Variants in UNC5D observed in about 807,000 individuals in gnomAD.
The protein encoded by UNC5D is netrin receptor UNC5D.
In UNC5D, 39 loss-of-function variants were observed where a neutral mutation model predicts 105.4. That is an observed-to-expected ratio of 0.37 (90% CI 0.29 to 0.48). The LOEUF is 0.48. Ranked by LOEUF, UNC5D falls within the 20% of genes least tolerant of loss-of-function variation. UNC5D has a pLI of 0.98. For missense variants in UNC5D, 991 were observed against 1,202.4 expected (o/e 0.82, Z 2.60); for synonymous variants, 452 against 450.4 (o/e 1.00, Z -0.04).
chr8:35,424,656 T>C (rs1001499796), intron 1 of UNC5D, among the ~76,000 whole-genome samples: 6 of 152,218 alleles, frequency 3.9e-5, no homozygotes. Context: ...TATGAAGCTC[T>C]TCAGGTGATC....
At chr8:35,440,504 G>A (rs1297136096) in intron 1 of UNC5D, among the ~76,000 whole-genome samples, 1 of 151,916 alleles carries the variant, frequency 6.6e-6, no homozygotes, top group Admixed American at 6.6e-5. Context: ...AGATAGTCCA[G>A]TGTCTGCTTC....
intron 1 of UNC5D, among the ~76,000 whole-genome samples, chr8:35,303,984 TA>T (rs558076959): frequency 2.0e-5 from 3 of 152,062 alleles, no homozygotes; most frequent in East Asian, 3.9e-4. Flanking sequence ...TCCTCCATGT[TA>T]AAAAAACAAA....
At chr8:35,505,118 G>C (rs1812222710) in intron 1 of UNC5D, among the ~76,000 whole-genome samples, 1 of 152,184 alleles carries the variant, frequency 6.6e-6, no homozygotes. Flanking sequence ...TCACATGCCT[G>C]TATCAAAATC....
chr8:35,580,714 T>C (rs959828285), intron 3 of UNC5D, among the ~76,000 whole-genome samples: 32 of 152,128 alleles, frequency 2.1e-4, no homozygotes, highest in African/African-American at 7.2e-4. Flanking sequence ...AACAAAACAA[T>C]GTAATGAGCC....
chr8:35,564,874 C>A (rs2130770342), intron 2 of UNC5D, among the ~76,000 whole-genome samples: 1 of 152,278 alleles, frequency 6.6e-6, no homozygotes, highest in East Asian at 1.9e-4. Context: ...TGAGCTACTT[C>A]ATTTAGGAAA....
At chr8:35,321,894 G>A (rs933522886) in intron 1 of UNC5D, among the ~76,000 whole-genome samples, 6 of 152,012 alleles carry the variant, frequency 3.9e-5, no homozygotes, top group African/African-American at 1.2e-4. Flanking sequence ...CAAACCATGT[G>A]GTGCAGATTT....
At chr8:35,614,904 A>G (rs1563593954) in intron 4 of UNC5D, among the ~76,000 whole-genome samples, 1 of 151,986 alleles carries the variant, frequency 6.6e-6, no homozygotes, top group Non-Finnish European at 1.5e-5. Flanking sequence ...GGTCAGAAGC[A>G]TGGACGTTAG....
At chr8:35,317,509 C>G (rs1809396079) in intron 1 of UNC5D, among the ~76,000 whole-genome samples, 1 of 152,094 alleles carries the variant, frequency 6.6e-6, no homozygotes, top group South Asian at 2.1e-4. Flanking sequence ...TCAGGATGTG[C>G]TCAACTAAGG....
intron 1 of UNC5D, among the ~76,000 whole-genome samples, chr8:35,274,414 C>A (rs1346838021): frequency 3.3e-5 from 5 of 152,132 alleles, no homozygotes; most frequent in Non-Finnish European, 7.3e-5. Context: ...ATTGTCTAGC[C>A]AGATTGTATT....
At chr8:35,783,807 T>G (rs1164475025) in intron 16 of UNC5D, among the ~76,000 whole-genome samples, 3 of 152,116 alleles carry the variant, frequency 2.0e-5, no homozygotes, top group Non-Finnish European at 2.9e-5. Context: ...TTGCAATAAT[T>G]TATAAAGACC....
chr8:35,658,831 AT>A (rs1402466844), intron 4 of UNC5D, among the ~76,000 whole-genome samples: 1 of 151,914 alleles, frequency 6.6e-6, no homozygotes, highest in Non-Finnish European at 1.5e-5. Flanking sequence ...ATGGTTTTGT[AT>A]TTTTAGTAGA....
rs567994084 is a variant in UNC5D at position 35,672,235 on chromosome 8, G to A, written c.571-11312G>A. 2.0e-5 allele frequency among the ~76,000 whole-genome samples: 3 copies of A among 152,212 alleles called. No homozygotes were observed. The South Asian group carries it at 6.2e-4, about 32-fold the overall frequency. ...CTCAGCACTTGAAGATATATTACAT[G>A]GTAACAGGAACAAGAAATGAAAACA... On this transcript the variant is annotated intron_variant, in intron 4 of 16. Coordinates refer to ENST00000404895, the MANE Select transcript of UNC5D (RefSeq NM_080872.4).
intron 1 of UNC5D, among the ~76,000 whole-genome samples, chr8:35,475,097 T>A (rs1809993177): frequency 6.6e-6 from 1 of 152,160 alleles, no homozygotes; most frequent in Non-Finnish European, 1.5e-5. Context: ...TACTCAGGGA[T>A]AAGGGAAAGA....
intron 1 of UNC5D, among the ~76,000 whole-genome samples, chr8:35,468,810 G>T (rs1563447997): frequency 6.6e-6 from 1 of 152,188 alleles, no homozygotes; most frequent in Admixed American, 6.5e-5. Context: ...CAAAGAAGGT[G>T]TGATTTCCAC....
intron 1 of UNC5D, among the ~76,000 whole-genome samples, chr8:35,418,707 A>C (rs550075417): frequency 6.6e-6 from 1 of 152,334 alleles, no homozygotes; most frequent in South Asian, 2.1e-4. Context: ...ATATCTCATC[A>C]GTAATATCAT....
intron 1 of UNC5D, among the ~76,000 whole-genome samples, chr8:35,448,221 G>A (rs1188700177): frequency 6.6e-6 from 1 of 152,104 alleles, no homozygotes; most frequent in South Asian, 2.1e-4. Context: ...GTTTTTCCAT[G>A]TCTTTTTGAC....
At chr8:35,460,143 C>G (rs1003806885) in intron 1 of UNC5D, among the ~76,000 whole-genome samples, 2 of 152,194 alleles carry the variant, frequency 1.3e-5, no homozygotes, top group Non-Finnish European at 2.9e-5. Context: ...TGAATGATCA[C>G]TTTCTATTTA....
intron 1 of UNC5D, among the ~76,000 whole-genome samples, chr8:35,260,850 G>A (rs1804443434): frequency 6.6e-6 from 1 of 152,190 alleles, no homozygotes. Context: ...AGTGGTTGCA[G>A]CATTAATCTA....
chr8:35,482,829 T>C (rs1810569926), intron 1 of UNC5D, among the ~76,000 whole-genome samples: 1 of 125,538 alleles, frequency 8.0e-6, no homozygotes, highest in Admixed American at 1.0e-4. Flanking sequence ...TGAGATGAAG[T>C]CTTGCTCTCG....
Sources: allele counts gnomAD v4.1 joint callset (sites outside exome capture counted in the v4.1 genomes callset), GRCh38; gene constraint gnomAD v4.1.1; transcripts MANE v1.5; gene names NCBI Gene and HGNC (gene_info 2026-07-23, HGNC 2026-07-21).